WWOX: variants seen among roughly 807,000 people sequenced by gnomAD.
WWOX encodes WW domain containing oxidoreductase.
In WWOX, 69 loss-of-function variants were observed where a neutral mutation model predicts 46.2. The ratio of observed to expected loss-of-function variants is 1.49; its 90% confidence interval spans 1.23 to 1.82. The LOEUF is 1.82. Among genes scored for constraint, WWOX ranks in the 40% most tolerant of loss-of-function variants. The pLI is 0.00. For synonymous variants in WWOX, 359 were observed against 202.6 expected (o/e 1.77, Z -6.56); for missense variants, 919 against 542.6 (o/e 1.69, Z -6.89).
intron 8 of WWOX, among the ~76,000 whole-genome samples, chr16:78,474,923 C>A (rs558185744): frequency 2.6e-5 from 4 of 152,260 alleles, no homozygotes; most frequent in African/African-American, 7.2e-5. Context: ...TTTTTTCTTA[C>A]AAATACATTT....
chr16:78,612,188 T>A (rs975897756), intron 8 of WWOX, among the ~76,000 whole-genome samples: 2 of 152,216 alleles, frequency 1.3e-5, no homozygotes, highest in Admixed American at 1.3e-4. Flanking sequence ...GAGCACTGTT[T>A]CCCAAGAGTG....
chr16:78,557,342 A>G (rs1464286191), intron 8 of WWOX, among the ~76,000 whole-genome samples: 1 of 152,160 alleles, frequency 6.6e-6, no homozygotes, highest in Admixed American at 6.5e-5. Flanking sequence ...CAGTGATATT[A>G]TTTCTCCGCC....
chr16:78,919,885 G>T (rs893673182), intron 8 of WWOX, among the ~76,000 whole-genome samples: 1 of 152,142 alleles, frequency 6.6e-6, no homozygotes, highest in African/African-American at 2.4e-5. Context: ...AGACCAGTCT[G>T]TACAGTTGAT....
At chr16:78,636,480 T>C (rs982068932) in intron 8 of WWOX, among the ~76,000 whole-genome samples, 3 of 152,232 alleles carry the variant, frequency 2.0e-5, no homozygotes, top group African/African-American at 7.2e-5. Flanking sequence ...TGATACTGAC[T>C]TAATGAGGTT....
chr16:79,017,446 A>G (rs2047439296), intron 8 of WWOX: 1 of 146,560 alleles, frequency 6.8e-6, no homozygotes, highest in South Asian at 2.2e-4. Context: ...AAAAAAAAAA[A>G]AAAAAAAAAA....
rs562236810 is a variant in WWOX, at chr16:78,291,046, C to A, written c.517-95814C>A. Among the ~76,000 whole-genome samples the A allele has an allele frequency of 2.0e-5, 3 of 152,144 alleles. No individual in the cohort carries two copies. The East Asian group carries it at 5.8e-4, about 30-fold the overall frequency. ...TATACTTAGGCTGGTGTTAGGATGC[C>A]GTGGCTGCCAAGTTTACACAGTGCA... On this transcript the variant is annotated intron_variant, in intron 5 of 8. Coordinates refer to ENST00000566780, the MANE Select transcript of WWOX (RefSeq NM_016373.4).
At chr16:78,722,924 C>G (rs148779154) in intron 8 of WWOX, among the ~76,000 whole-genome samples, 3 of 152,076 alleles carry the variant, frequency 2.0e-5, no homozygotes, top group Non-Finnish European at 4.4e-5. Context: ...CGCCTGTAGC[C>G]CCACCTACTT....
At chr16:78,517,191 A>G (rs2043252269) in intron 8 of WWOX, among the ~76,000 whole-genome samples, 1 of 152,154 alleles carries the variant, frequency 6.6e-6, no homozygotes, top group Non-Finnish European at 1.5e-5. Context: ...TTTTTCTGCA[A>G]TTGACATATC....
chr16:78,137,200 T>A (rs536538093), intron 4 of WWOX, among the ~76,000 whole-genome samples: 1 of 152,308 alleles, frequency 6.6e-6, no homozygotes, highest in East Asian at 1.9e-4. Context: ...AAGAGAGTGA[T>A]GAAAATTATG....
intron 8 of WWOX, among the ~76,000 whole-genome samples, chr16:79,141,852 C>T (rs752599452): frequency 7.2e-5 from 11 of 151,952 alleles, no homozygotes; most frequent in African/African-American, 1.9e-4. Context: ...GATGACTCTT[C>T]AGTGCTTCTT....
chr16:78,953,973 G>T (rs1204603517), intron 8 of WWOX, among the ~76,000 whole-genome samples: 1 of 152,214 alleles, frequency 6.6e-6, no homozygotes, highest in Non-Finnish European at 1.5e-5. Flanking sequence ...TGTGCAAGAT[G>T]CTGCAGGAGA....
chr16:78,691,232 G>C (rs544584299), intron 8 of WWOX: 36 of 702,104 alleles, frequency 5.1e-5, no homozygotes, highest in South Asian at 4.0e-4. Flanking sequence ...TCTCTTGTTT[G>C]TGATTCCAGG....
chr16:78,418,653 TAAA>T (rs1312858452), intron 6 of WWOX, among the ~76,000 whole-genome samples: 1 of 152,130 alleles, frequency 6.6e-6, no homozygotes, highest in African/African-American at 2.4e-5. Context: ...GGTTTTATAT[TAAA>T]AAATCAGTCA....
At chr16:79,189,799 A>C (rs1273943223) in intron 8 of WWOX, among the ~76,000 whole-genome samples, 1 of 149,066 alleles carries the variant, frequency 6.7e-6, no homozygotes, top group African/African-American at 2.5e-5. Flanking sequence ...TCCCGGTGGG[A>C]GGGGGGGGAT....
At chr16:78,809,356 A>G (rs2051129973) in intron 8 of WWOX, among the ~76,000 whole-genome samples, 1 of 151,818 alleles carries the variant, frequency 6.6e-6, no homozygotes, top group Non-Finnish European at 1.5e-5. Flanking sequence ...TATTCTAGGA[A>G]GAAAAAAGCA....
chr16:78,511,750 G>T (rs2085366771), intron 8 of WWOX, among the ~76,000 whole-genome samples: 1 of 152,168 alleles, frequency 6.6e-6, no homozygotes, highest in Admixed American at 6.5e-5. Flanking sequence ...ATGGCAAATT[G>T]ATTTCAGGTT....
chr16:78,164,719 A>G (rs2034916171), intron 5 of WWOX, among the ~76,000 whole-genome samples: 1 of 152,206 alleles, frequency 6.6e-6, no homozygotes, highest in Admixed American at 6.5e-5. Context: ...AATATTTACT[A>G]AGGGCTTGCC....
At chr16:79,058,390 CT>C (rs1268144696) in intron 8 of WWOX, among the ~76,000 whole-genome samples, 1 of 136,570 alleles carries the variant, frequency 7.3e-6, no homozygotes, top group Non-Finnish European at 1.6e-5. Flanking sequence ...GATAAATATA[CT>C]TTTGAATTGT....
intron 8 of WWOX, among the ~76,000 whole-genome samples, chr16:79,131,400 G>T (rs1327589940): frequency 6.6e-6 from 1 of 151,932 alleles, no homozygotes; most frequent in African/African-American, 2.4e-5. Flanking sequence ...TTTCCCTCCT[G>T]ATTCGGAGGG....
Sources: gnomAD v4.1 joint callset for allele counts (sites outside exome capture counted in the v4.1 genomes callset) on GRCh38, gnomAD v4.1.1 for gene constraint, MANE v1.5 for transcripts, NCBI Gene and HGNC (gene_info 2026-07-23, HGNC 2026-07-21) for gene names.